The following RBMS3 variants were observed in gnomAD, a reference collection of about 807,000 sequenced individuals.
The protein encoded by RBMS3 is RNA binding motif single stranded interacting protein 3.
RBMS3 carries 27 observed loss-of-function variants against 66.8 expected under a neutral mutation model. That is an observed-to-expected ratio of 0.40 (90% confidence interval 0.30 to 0.56). RBMS3 has a LOEUF of 0.56. Ranked by LOEUF, RBMS3 falls within the 20% of genes least tolerant of loss-of-function variation. The pLI is 0.40. For missense variants in RBMS3, 513 were observed against 549.5 expected (o/e 0.93, Z 0.66); for synonymous variants, 188 against 183.0 (o/e 1.03, Z -0.22).
intron 6 of RBMS3, among the ~76,000 whole-genome samples, chr3:29,782,586 C>T (rs906298713): frequency 2.6e-5 from 4 of 152,156 alleles, no homozygotes; most frequent in African/African-American, 9.7e-5. Context: ...TGAGAAGCAA[C>T]CAGAAAAACA....
chr3:29,931,970 G>A (rs1309529018), intron 10 of RBMS3, among the ~76,000 whole-genome samples: 1 of 152,030 alleles, frequency 6.6e-6, no homozygotes, highest in Non-Finnish European at 1.5e-5. Context: ...TTTGACTTGA[G>A]GCATTTAGAT....
chr3:29,869,903 A>G (rs1473518550), intron 7 of RBMS3, among the ~76,000 whole-genome samples: 2 of 152,194 alleles, frequency 1.3e-5, no homozygotes, highest in African/African-American at 4.8e-5. Flanking sequence ...CAATACTGAC[A>G]GAACAGTGGT....
intron 4 of RBMS3, among the ~76,000 whole-genome samples, chr3:29,648,946 G>A (rs1366052419): frequency 1.3e-5 from 2 of 152,110 alleles, no homozygotes; most frequent in African/African-American, 4.8e-5. Flanking sequence ...AATCCCCTCA[G>A]AACCAATGCA....
chr3:29,688,723 C>T (rs183447223), intron 4 of RBMS3, among the ~76,000 whole-genome samples: 26 of 151,602 alleles, frequency 1.7e-4, no homozygotes, highest in African/African-American at 6.3e-4. Flanking sequence ...ACTGGGACTA[C>T]AAGCGGATGC....
intron 12 of RBMS3, among the ~76,000 whole-genome samples, chr3:29,955,559 C>T (rs930447248): frequency 6.6e-6 from 1 of 152,030 alleles, no homozygotes; most frequent in Non-Finnish European, 1.5e-5. Flanking sequence ...ACCTGGATGA[C>T]TGCATTCCAC....
intron 12 of RBMS3, among the ~76,000 whole-genome samples, chr3:29,961,820 G>A (rs1696468148): frequency 6.6e-6 from 1 of 151,510 alleles, no homozygotes; most frequent in Non-Finnish European, 1.5e-5. Flanking sequence ...TGAGGATTAT[G>A]GGAACTACAA....
At chr3:29,389,190 A>G (rs2039162717) in intron 1 of RBMS3, among the ~76,000 whole-genome samples, 1 of 152,086 alleles carries the variant, frequency 6.6e-6, no homozygotes. Flanking sequence ...TTGCCCAGGT[A>G]TATCTCTTAG....
At chr3:29,725,142 A>G (rs540868956) in intron 4 of RBMS3, among the ~76,000 whole-genome samples, 2 of 152,202 alleles carry the variant, frequency 1.3e-5, no homozygotes, top group Non-Finnish European at 2.9e-5. Flanking sequence ...CAGGTGAGCT[A>G]CTTACTGAAT....
chr3:29,908,122 A>C (rs1559789624), intron 10 of RBMS3, among the ~76,000 whole-genome samples: 1 of 151,902 alleles, frequency 6.6e-6, no homozygotes, highest in Non-Finnish European at 1.5e-5. Context: ...ATGGTGGTGC[A>C]TGCCTATAGT....
intron 1 of RBMS3, among the ~76,000 whole-genome samples, chr3:29,372,664 T>C (rs2038265875): frequency 6.6e-6 from 1 of 152,172 alleles, no homozygotes; most frequent in Admixed American, 6.5e-5. Context: ...ATTTTACTGT[T>C]ATTCCTCTAA....
chr3:29,363,610 G>A (rs756188670), intron 1 of RBMS3, among the ~76,000 whole-genome samples: 11 of 151,954 alleles, frequency 7.2e-5, no homozygotes, highest in Non-Finnish European at 1.3e-4. Context: ...CCGATATGGC[G>A]AAACCCCATC....
intron 6 of RBMS3, among the ~76,000 whole-genome samples, chr3:29,845,981 G>C (rs1204734743): frequency 1.2e-4 from 18 of 152,046 alleles, no homozygotes; most frequent in Non-Finnish European, 2.9e-5. Context: ...TAGTTCAAAT[G>C]TAATTAAAGC....
At chr3:29,574,378 C>T (rs756974287) in intron 3 of RBMS3, among the ~76,000 whole-genome samples, 4 of 151,944 alleles carry the variant, frequency 2.6e-5, no homozygotes, top group Non-Finnish European at 5.9e-5. Context: ...AGTGTAGATA[C>T]ACCTGCTGTT....
At chr3:29,746,642 A>G (rs1027510571) in intron 5 of RBMS3, among the ~76,000 whole-genome samples, 1 of 152,174 alleles carries the variant, frequency 6.6e-6, no homozygotes. Context: ...CAGAAAGTCA[A>G]AATCACAGCT....
At chr3:29,876,790 G>A (rs1157519427) in intron 7 of RBMS3, among the ~76,000 whole-genome samples, 1 of 151,868 alleles carries the variant, frequency 6.6e-6, no homozygotes, top group Non-Finnish European at 1.5e-5. Flanking sequence ...AGGGCAAGGC[G>A]AGTGTATGTC....
intron 7 of RBMS3, among the ~76,000 whole-genome samples, chr3:29,878,061 CAG>C (rs2059651439): frequency 6.6e-6 from 1 of 152,172 alleles, no homozygotes; most frequent in East Asian, 1.9e-4. Context: ...TCTTCCACCT[CAG>C]ATCGTCAGGC....
chr3:29,589,912 C>G lies in RBMS3; in HGVS notation c.399+2707C>G, dbSNP rs567825522. 3.3e-5 allele frequency among the ~76,000 whole-genome samples: 5 copies of G among 152,114 alleles called. No individual in the cohort carries two copies. In the East Asian group the frequency reaches 9.6e-4, roughly 29 times the overall value. ...TAACCTTCAGCTAACATAAAACTCT[C>G]CAAGTGAATTGTCTTATTTAGCTAG... On this transcript the variant is annotated intron_variant, in intron 4 of 14. Coordinates refer to ENST00000383767, the MANE Select transcript of RBMS3 (RefSeq NM_001003793.3).
At chr3:29,835,171 G>A (rs1038984796) in intron 6 of RBMS3, among the ~76,000 whole-genome samples, 5 of 151,942 alleles carry the variant, frequency 3.3e-5, no homozygotes, top group African/African-American at 1.2e-4. Flanking sequence ...CAGAAATAGA[G>A]AGCAATGCAA....
Position 29,995,818 on chromosome 3 carries a change from AAAATGTAAAGACC to A in RBMS3, c.1307+4611_1307+4623del, listed in dbSNP as rs1358297455. Among the ~76,000 whole-genome samples, 7 of 152,222 alleles carry A rather than the reference AAAATGTAAAGACC, an allele frequency of 4.6e-5. 1 individual carries two copies. The highest frequency in any genetic ancestry group is 3.9e-4 in the Admixed American group (6 of 15,282). On this transcript the variant is annotated intron_variant, in intron 14 of 14. Coordinates refer to ENST00000383767, the MANE Select transcript of RBMS3 (RefSeq NM_001003793.3). ...GTACCAGCCACTGCAAAATCATGCCAAAATGTAAAGACCATCAAGACTAGGAAGAAACTGCATC... is the reference window on the plus strand; with the variant it reads ...GTACCAGCCACTGCAAAATCATGCCAATCAAGACTAGGAAGAAACTGCATC...
Sources: gnomAD v4.1 joint callset for allele counts (sites outside exome capture counted in the v4.1 genomes callset) on GRCh38, gnomAD v4.1.1 for gene constraint, MANE v1.5 for transcripts, NCBI Gene and HGNC (gene_info 2026-07-23, HGNC 2026-07-21) for gene names.